SCAI: variants seen among roughly 807,000 people sequenced by gnomAD.
SCAI encodes the protein suppressor of cancer cell invasion, also known as protein SCAI.
In SCAI, 24 loss-of-function variants were observed where a neutral mutation model predicts 92.2. The observed-to-expected ratio is 0.26, with a 90% CI of 0.19 to 0.37. The LOEUF (loss-of-function observed/expected upper bound fraction) is 0.37. Ranked by LOEUF, SCAI falls within the 10% of genes least tolerant of loss-of-function variation. The probability of loss-of-function intolerance (pLI) is 1.00; values close to 1 mark genes in which losing one functional copy is unlikely to be tolerated. For synonymous variants in SCAI, 261 were observed against 258.6 expected, an observed-to-expected ratio of 1.01 and a Z score of -0.09; for missense variants, 450 against 736.2, an observed-to-expected ratio of 0.61 and a Z score of 4.50.
chr9:125,080,702 T>C (rs754534317), intron 2 of SCAI, among the ~76,000 whole-genome samples: 17 of 152,230 alleles, frequency 1.1e-4, no homozygotes, highest in Admixed American at 3.9e-4. Flanking sequence ...GAAGATTCCA[T>C]TAGACAATAT....
intron 14 of SCAI, among the ~76,000 whole-genome samples, chr9:124,990,129 A>G (rs1832088050): frequency 1.3e-5 from 2 of 152,086 alleles, no homozygotes; most frequent in African/African-American, 4.8e-5. Flanking sequence ...AGCCAAGATC[A>G]CGCCATTGCA....
At chr9:125,142,738 G>A in intron 1 of SCAI, 61 bp from the exon 2 acceptor site, 1 of 1,455,300 alleles carries the variant, frequency 6.9e-7, no homozygotes, top group Non-Finnish European at 9.7e-7. Flanking sequence ...ATCTCCCGGC[G>A]CTACCGTGCC....
intron 14 of SCAI, among the ~76,000 whole-genome samples, chr9:124,981,291 C>T (rs1831880587): frequency 6.6e-6 from 1 of 152,150 alleles, no homozygotes; most frequent in South Asian, 2.1e-4. Flanking sequence ...TAAAATCATA[C>T]CGTCTGCAAC....
intron 13 of SCAI, among the ~76,000 whole-genome samples, chr9:124,999,004 G>C (rs567418587): frequency 2.0e-5 from 3 of 151,974 alleles, no homozygotes; most frequent in East Asian, 3.9e-4. Context: ...TAATTACTCT[G>C]ATCTGATCAC....
At chr9:125,012,581 G>A (rs1832661945) in intron 9 of SCAI, among the ~76,000 whole-genome samples, 1 of 152,106 alleles carries the variant, frequency 6.6e-6, no homozygotes, top group Non-Finnish European at 1.5e-5. Context: ...ATAATAATGG[G>A]TGACTTTAAC....
chr9:124,986,849 G>A (rs1210652856), intron 14 of SCAI, among the ~76,000 whole-genome samples: 1 of 152,162 alleles, frequency 6.6e-6, no homozygotes, highest in Non-Finnish European at 1.5e-5. Context: ...TTAAGAAACT[G>A]ATTGCTGTAG....
At chr9:124,968,356 T>A (rs916430012) in intron 17 of SCAI, 2 of 1,198,738 alleles carry the variant, frequency 1.7e-6, no homozygotes, top group African/African-American at 1.5e-5. Flanking sequence ...AAGGCTTTAG[T>A]GAGCTCTGCA....
At chr9:125,104,599 AC>A (rs1363713511) in intron 2 of SCAI, among the ~76,000 whole-genome samples, 3 of 128,514 alleles carry the variant, frequency 2.3e-5, no homozygotes, top group Non-Finnish European at 5.0e-5. Flanking sequence ...CCTGTGTTTT[AC>A]TTTAAAAAAA....
At chr9:125,009,226 A>T (rs1205006430) in intron 9 of SCAI, among the ~76,000 whole-genome samples, 1 of 152,182 alleles carries the variant, frequency 6.6e-6, no homozygotes, top group Non-Finnish European at 1.5e-5. Context: ...TGTAGAATAA[A>T]ATTAAAGTAA....
intron 9 of SCAI, among the ~76,000 whole-genome samples, chr9:125,014,147 C>T (rs1832699484): frequency 6.6e-6 from 1 of 152,154 alleles, no homozygotes. Flanking sequence ...TCTCACCACT[C>T]CTATTCAACA....
At chr9:125,129,992 G>A (rs1835364393) in intron 2 of SCAI, among the ~76,000 whole-genome samples, 1 of 151,652 alleles carries the variant, frequency 6.6e-6, no homozygotes, top group East Asian at 1.9e-4. Context: ...TCCACCTCCT[G>A]GGTTCAAGCG....
chr9:125,035,658 TAAGAA>T (rs1833179746), intron 3 of SCAI, among the ~76,000 whole-genome samples: 1 of 152,204 alleles, frequency 6.6e-6, no homozygotes, highest in East Asian at 1.9e-4. Flanking sequence ...GGTAACGACC[TAAGAA>T]TACACAGCAC....
chr9:125,021,633 A>G (rs1314463900), intron 6 of SCAI, among the ~76,000 whole-genome samples: 1 of 152,208 alleles, frequency 6.6e-6, no homozygotes, highest in Admixed American at 6.5e-5. Flanking sequence ...CCTGCTTTCC[A>G]TATCCTACAT....
chr9:125,003,787 C>T (rs1056422133), intron 9 of SCAI: 8 of 501,300 alleles, frequency 1.6e-5, no homozygotes, highest in Admixed American at 3.6e-5. Flanking sequence ...CTATAATAAG[C>T]ATTTTTTATA....
intron 9 of SCAI, among the ~76,000 whole-genome samples, chr9:125,004,761 A>T (rs1477891186): frequency 2.3e-3 from 21 of 9,050 alleles, no homozygotes; most frequent in South Asian, 4.7e-3. Flanking sequence ...ATATATATAT[A>T]TATATATATA....
intron 2 of SCAI, among the ~76,000 whole-genome samples, chr9:125,062,130 ATT>A (rs111660631): frequency 1.4e-5 from 2 of 146,374 alleles, no homozygotes; most frequent in African/African-American, 2.5e-5. Context: ...TAATCTCTAG[ATT>A]TTTTTTTTTT....
intron 2 of SCAI, among the ~76,000 whole-genome samples, chr9:125,061,523 C>T (rs1041109714): frequency 6.6e-6 from 1 of 152,190 alleles, no homozygotes; most frequent in Non-Finnish European, 1.5e-5. Flanking sequence ...ACTTTGGAGG[C>T]TGAGAAGGGC....
chr9:124,996,198 T>A (rs1269729263), intron 13 of SCAI, among the ~76,000 whole-genome samples: 1 of 33,712 alleles, frequency 3.0e-5, no homozygotes, highest in African/African-American at 1.2e-4. Flanking sequence ...ACCCTTCGTG[T>A]GTGTGGGCGG....
At chr9:125,084,824 C>A (rs1157990337) in intron 2 of SCAI, among the ~76,000 whole-genome samples, 3 of 152,184 alleles carry the variant, frequency 2.0e-5, no homozygotes, top group Admixed American at 2.0e-4. Flanking sequence ...GAGATCACCA[C>A]AACTTTTATT....
Sources: allele counts gnomAD v4.1 joint callset (sites outside exome capture counted in the v4.1 genomes callset), GRCh38; gene constraint gnomAD v4.1.1; transcripts MANE v1.5; gene names NCBI Gene and HGNC (gene_info 2026-07-23, HGNC 2026-07-21).